C17orf75: variants seen among roughly 807,000 people sequenced by gnomAD.
The protein encoded by C17orf75 is protein Njmu-R1.
In C17orf75, 32 loss-of-function variants were observed where a neutral mutation model predicts 49.6. That is an observed-to-expected ratio of 0.65 (90% CI 0.49 to 0.87). The LOEUF (loss-of-function observed/expected upper bound fraction) is 0.87, where lower values mean the gene tolerates loss of function less well. Among genes scored for constraint, C17orf75 ranks in the 40% least tolerant of loss-of-function variants. The pLI is 0.00. For synonymous variants in C17orf75, 158 were observed against 159.5 expected (o/e 0.99, Z 0.07); for missense variants, 428 against 473.9 (o/e 0.90, Z 0.90).
Position 32,347,686 on chromosome 17 carries a change from G to T in C17orf75, c.-7+2256C>A, listed in dbSNP as rs144304169. On this transcript the variant is annotated intron_variant, in intron 1 of 8. Coordinates refer to the C17orf75 transcript ENST00000583774. ...TCTTGCTGCATCCTCATTTGGTTGAGGCAAGAGAGAGTAGAGTTTAGTTCC... is the reference window on the plus strand; with the variant it reads ...TCTTGCTGCATCCTCATTTGGTTGATGCAAGAGAGAGTAGAGTTTAGTTCC... 4.6e-3 allele frequency among the ~76,000 whole-genome samples: 703 copies of T among 152,204 alleles called. 5 individuals carry two copies. The highest frequency in any genetic ancestry group is 0.016 in the African/African-American group (644 of 41,504).
Position 32,339,803 on chromosome 17 carries a change from T to C in C17orf75, c.347+10A>G. ...ATAAAAACTCAGGACACAGCACATT[T>C]TGCACTTACTTTAGCTCCACAGATG... On this transcript the variant is annotated intron_variant, in intron 3 of 9. Coordinates refer to ENST00000577809, the MANE Select transcript of C17orf75 (RefSeq NM_022344.4). 6.2e-7 allele frequency: 1 copy of C among 1,613,332 alleles called. No homozygotes were observed. The highest frequency in any genetic ancestry group is 8.5e-7 in the Non-Finnish European group (1 of 1,179,736).
At chr17:32,348,761 C>G (rs918059825) in intron 1 of C17orf75, among the ~76,000 whole-genome samples, 2 of 152,064 alleles carry the variant, frequency 1.3e-5, no homozygotes, top group African/African-American at 4.8e-5. Flanking sequence ...GAGACTTCAG[C>G]TGAAATCCAA....
upstream of C17orf75, chr17:32,342,310 A>AG (rs1194519545): frequency 9.3e-7 from 1 of 1,080,382 alleles, no homozygotes. Context: ...TTCTCCCCAC[A>AG]GGGGCTGACA....
chr17:32,333,587 G>A, intron 8 of C17orf75, 67 bp from the exon 9 acceptor site: 1 of 1,383,276 alleles, frequency 7.2e-7, no homozygotes, highest in Non-Finnish European at 1.0e-6. Flanking sequence ...TTATTTATTT[G>A]AGACGGGAGA....
upstream of C17orf75, chr17:32,344,251 A>C: frequency 3.0e-6 from 1 of 332,112 alleles, no homozygotes; most frequent in East Asian, 6.9e-5. Context: ...CTTCTGCCCC[A>C]TCCTCCCGAA....
upstream of C17orf75, among the ~76,000 whole-genome samples, chr17:32,343,276 C>T (rs2041397420): frequency 6.6e-6 from 1 of 151,764 alleles, no homozygotes; most frequent in Admixed American, 6.6e-5. Context: ...TTTTAAGCCA[C>T]CGTGTGTGTG....
upstream of C17orf75, chr17:32,342,275 A>C: frequency 7.4e-7 from 1 of 1,348,748 alleles, no homozygotes. Flanking sequence ...TTCGCAGGCA[A>C]GGACTGGCCT....
chr17:32,338,960 G>T (rs2041352685), intron 3 of C17orf75, among the ~76,000 whole-genome samples: 1 of 152,098 alleles, frequency 6.6e-6, no homozygotes, highest in Non-Finnish European at 1.5e-5. Flanking sequence ...GTATGGTGGT[G>T]CATGCCTGTA....
rs1032959653 is a variant in C17orf75, at chr17:32,349,957, C to A, written c.-22G>T. On this transcript the variant is annotated 5_prime_UTR_variant, in exon 1 of 9. Transcript: ENST00000583774. ...CTTAGCGTACCTGGGGCTCCGGCTC[C>A]TTTACAAATGAAACCCAAAGTGCTC... 1.5e-5 allele frequency: 17 copies of A among 1,154,154 alleles called. No individual in the cohort carries two copies. In the African/African-American group the frequency reaches 2.5e-4, roughly 17 times the overall value. The allele number at this position is 1,154,154 out of a possible 1,614,324, so 71.5% of individuals were successfully genotyped here. A position where few individuals can be genotyped will look rare whatever the true frequency, so the allele number is the denominator to read the frequency against.
At position 32,330,225 on chromosome 17, in the gene C17orf75, G is replaced by A. The variant is rs1054243589; in HGVS notation, c.*1538C>T. ...TTCCAAGTTATTAAAGTTTAAAACC[G>A]TATGAAAGCATTTATGAAGATTCTG... is the stretch of plus-strand genomic sequence containing the variant. On this transcript the variant is annotated 3_prime_UTR_variant, in exon 10 of 10. Transcript: ENST00000577809. The A allele has an allele frequency of 5.9e-5, 9 of 152,210 alleles. No individual in the cohort carries two copies. Among genetic ancestry groups the A allele is most frequent in the South Asian group, 4.1e-4 (2 of 4,822 alleles). 9.4% of individuals were successfully genotyped at this position (152,210 alleles called of 1,614,324 possible).
upstream of C17orf75, among the ~76,000 whole-genome samples, chr17:32,345,358 C>A (rs1305953740): frequency 6.6e-6 from 1 of 151,584 alleles, no homozygotes; most frequent in African/African-American, 2.4e-5. Flanking sequence ...CGCCTGTGAT[C>A]CCAGCTACTC....
At chr17:32,349,949 T>C (rs1315815204) in exon 1 of C17orf75, 5 of 1,137,444 alleles carry the variant, frequency 4.4e-6, no homozygotes, top group Non-Finnish European at 3.3e-6. Flanking sequence ...TACCTGGGGC[T>C]CCGGCTCCTT....
intron 9 of C17orf75, among the ~76,000 whole-genome samples, chr17:32,332,743 G>A (rs1459168048): frequency 1.3e-5 from 2 of 152,196 alleles, no homozygotes; most frequent in Non-Finnish European, 2.9e-5. Context: ...TCTAGCCTGA[G>A]TGACAGAGTA....
rs1567800269 is a variant in C17orf75 at position 32,328,825 on chromosome 17, G to A, written c.*2938C>T. The A allele has an allele frequency of 6.6e-6, 1 of 152,084 alleles. No homozygotes were observed. Among genetic ancestry groups the A allele is most frequent in the Non-Finnish European group, 1.5e-5 (1 of 68,030 alleles). 9.4% of individuals were successfully genotyped at this position (152,084 alleles called of 1,614,324 possible). On this transcript the variant is annotated 3_prime_UTR_variant, in exon 10 of 10. Transcript: ENST00000577809. ...GAATCACTTGAACCTGGGAGGCAGA[G>A]GTTGCAGTGAGCCAAGATTGCACCA...
upstream of C17orf75, among the ~76,000 whole-genome samples, chr17:32,346,638 T>C (rs556669398): frequency 1.4e-4 from 21 of 152,312 alleles, no homozygotes; most frequent in African/African-American, 4.6e-4. Flanking sequence ...AGTGGCACGA[T>C]CTCGGCTCAC....
At chr17:32,342,524 A>G (rs569930581), upstream of C17orf75, among the ~76,000 whole-genome samples, 2 of 152,404 alleles carry the variant, frequency 1.3e-5, no homozygotes, top group East Asian at 3.9e-4. Context: ...AAGAATTTAA[A>G]ATGAATTTTG....
At chr17:32,339,419 A>G (rs2041356985) in intron 3 of C17orf75, among the ~76,000 whole-genome samples, 1 of 151,636 alleles carries the variant, frequency 6.6e-6, no homozygotes, top group African/African-American at 2.4e-5. Context: ...AAAAAAAAAA[A>G]AAAAAAAAAA....
intron 2 of C17orf75, among the ~76,000 whole-genome samples, chr17:32,340,340 T>A (rs956483044): frequency 1.3e-5 from 2 of 152,150 alleles, no homozygotes; most frequent in African/African-American, 4.8e-5. Context: ...AATTGATGAT[T>A]TAAAAATTTC....
In C17orf75 at chr17:32,334,545, G is replaced by A. The variant is rs887049211; in HGVS notation, c.795C>T (p.Cys265=). 26 of 1,611,990 alleles carry A rather than the reference G, an allele frequency of 1.6e-5. No individual in the cohort carries two copies. In the African/African-American group the frequency reaches 3.1e-4, roughly 19 times the overall value. The change falls in exon 8 of 10, where the codon TGC becomes TGT. Residue 265 remains cysteine, a synonymous_variant. Coordinates refer to ENST00000577809, the MANE Select transcript of C17orf75 (RefSeq NM_022344.4). ...LIHEGTMTSL[C]MAMTEEQHKS... is the part of the protein sequence containing the mutation. ...TATGCTGCTCCTCTGTCATGGCCAT[G>A]CACAAAGAAGTCATGGTGCCTTCAT...
Sources: gnomAD v4.1 joint callset for allele counts (sites outside exome capture counted in the v4.1 genomes callset) on GRCh38, gnomAD v4.1.1 for gene constraint, MANE v1.5 for transcripts, NCBI Gene and HGNC (gene_info 2026-07-23, HGNC 2026-07-21) for gene names.